The following CDH11 variants were observed in gnomAD, a reference collection of about 807,000 sequenced individuals.
The protein encoded by CDH11 is cadherin-11.
A neutral mutation model predicts 67.8 loss-of-function variants in CDH11; 11 were observed. That is an observed-to-expected ratio of 0.16 (90% CI 0.10 to 0.27). The LOEUF is 0.27. Among genes scored for constraint, CDH11 ranks in the 10% least tolerant of loss-of-function variants. The pLI is 1.00. For missense variants in CDH11, 847 were observed against 1,031.2 expected, an observed-to-expected ratio of 0.82 and a Z score of 2.45; for synonymous variants, 419 against 400.0, an observed-to-expected ratio of 1.05 and a Z score of -0.57.
chr16:65,108,898 G>A (rs945938694), intron 1 of CDH11, among the ~76,000 whole-genome samples: 1 of 152,250 alleles, frequency 6.6e-6, no homozygotes. Flanking sequence ...TATAATCCCA[G>A]CACTTTGGGA....
rs1017818697 is a variant in CDH11, at chr16:64,982,400, A to G, written c.1000-99T>C. On this transcript the variant is annotated intron_variant, in intron 7 of 12. Coordinates refer to ENST00000268603, the MANE Select transcript of CDH11 (RefSeq NM_001797.4). ...ATAGGGACGAGTGAATATTCCTCAA[A>G]GAGAGAAAATCAGAGTCTACTCAAT... 5 of 919,370 alleles carry G rather than the reference A, an allele frequency of 5.4e-6. No homozygotes were observed. In the Admixed American group the frequency reaches 7.3e-5, roughly 13 times the overall value. The allele number at this position is 919,370 out of a possible 1,614,324, so 57.0% of individuals were successfully genotyped here. A position where few individuals can be genotyped will look rare whatever the true frequency, so the allele number is the denominator to read the frequency against.
At chr16:65,008,456 C>A (rs1392052226) in intron 2 of CDH11, among the ~76,000 whole-genome samples, 1 of 152,158 alleles carries the variant, frequency 6.6e-6, no homozygotes, top group Non-Finnish European at 1.5e-5. Flanking sequence ...AAAAAAGATT[C>A]ACTTTCAGAA....
intron 2 of CDH11, among the ~76,000 whole-genome samples, chr16:65,009,315 C>T (rs1228404814): frequency 6.6e-6 from 1 of 152,126 alleles, no homozygotes; most frequent in East Asian, 1.9e-4. Flanking sequence ...GAGGTAATTA[C>T]ATCAGTCCAT....
chr16:64,956,366 T>A (rs2071511340), intron 11 of CDH11, among the ~76,000 whole-genome samples: 2 of 152,256 alleles, frequency 1.3e-5, no homozygotes, highest in Admixed American at 1.3e-4. Flanking sequence ...AGCAGTAGAC[T>A]AATGAGGAAG....
At chr16:64,976,568 T>C (rs890273005) in intron 8 of CDH11, among the ~76,000 whole-genome samples, 30 of 152,242 alleles carry the variant, frequency 2.0e-4, no homozygotes, top group South Asian at 8.3e-4. Flanking sequence ...GATAAAAAGT[T>C]TGGAGGCCTT....
chr16:64,958,674 A>G (rs888287879), intron 11 of CDH11, among the ~76,000 whole-genome samples: 2 of 152,200 alleles, frequency 1.3e-5, no homozygotes, highest in Non-Finnish European at 2.9e-5. Context: ...CTGACCCTGG[A>G]ACACTGACAT....
At chr16:65,108,230 G>A (rs1052336164) in intron 1 of CDH11, among the ~76,000 whole-genome samples, 2 of 152,154 alleles carry the variant, frequency 1.3e-5, no homozygotes, top group African/African-American at 4.8e-5. Context: ...TGACTTCTCA[G>A]GCTGCGTTAG....
intron 8 of CDH11, among the ~76,000 whole-genome samples, chr16:64,980,669 A>T (rs548063833): frequency 1.3e-5 from 2 of 152,316 alleles, no homozygotes; most frequent in Admixed American, 6.5e-5. Flanking sequence ...ATGAGGTTAG[A>T]TTATTTTGAA....
chr16:65,019,367 TGATA>T lies in CDH11; in HGVS notation c.-172-14330_-172-14327del, dbSNP rs1963846485. Among the ~76,000 whole-genome samples, 3 of 152,192 alleles carry T rather than the reference TGATA, an allele frequency of 2.0e-5. No homozygotes were observed. The South Asian group carries it at 6.2e-4, about 31-fold the overall frequency. The stretch of plus-strand genomic sequence containing the variant: ...TTCAAAAATGCAATAACTTATTCAT[TGATA>T]AAGTGGAGACTTAATTTTCCAAACA... On this transcript the variant is annotated intron_variant, in intron 2 of 12. Transcript: ENST00000268603.
rs544094469 is a variant in CDH11, at chr16:65,102,677, A to T, written c.-298+19203T>A. Among the ~76,000 whole-genome samples, 37 of 152,336 alleles carry T rather than the reference A, an allele frequency of 2.4e-4. No homozygotes were observed. The South Asian group carries it at 7.5e-3, about 31-fold the overall frequency. On this transcript the variant is annotated intron_variant, in intron 1 of 12. Coordinates refer to ENST00000268603, the MANE Select transcript of CDH11 (RefSeq NM_001797.4). ...ACCATGCTGTAAGTCAAGTAGCCCC[A>T]TGAAGGGGCCATGTGTTAGAGACAC...
intron 6 of CDH11, among the ~76,000 whole-genome samples, chr16:64,990,985 A>G (rs979359228): frequency 6.6e-6 from 1 of 152,180 alleles, no homozygotes; most frequent in African/African-American, 2.4e-5. Flanking sequence ...CATGACTTTG[A>G]CAGGTCTTCC....
chr16:65,000,264 G>T (rs1478683598), intron 3 of CDH11, among the ~76,000 whole-genome samples: 10 of 151,974 alleles, frequency 6.6e-5, no homozygotes, highest in Non-Finnish European at 1.5e-4. Flanking sequence ...AATCACATCT[G>T]GTTTTCCTGT....
At chr16:65,122,148 G>GGGGGGGGGGGGGGGGGC, upstream of CDH11, 1 of 323,844 alleles carries the variant, frequency 3.1e-6, no homozygotes. Context: ...GGGGGGGCGG[G>GGGGGGGGGGGGGGGGGC]AGGAGGGAGG....
intron 2 of CDH11, among the ~76,000 whole-genome samples, chr16:65,022,192 T>C (rs1286508796): frequency 1.3e-5 from 2 of 152,134 alleles, no homozygotes; most frequent in South Asian, 2.1e-4. Context: ...GGAAACATAT[T>C]TTAGAATTGA....
chr16:64,948,127 A>G, intron 12 of CDH11, 28 bp from the exon 13 acceptor site: 1 of 1,597,010 alleles, frequency 6.3e-7, no homozygotes, highest in Non-Finnish European at 8.5e-7. Context: ...GAAGGTAAGC[A>G]TTCGTTAAGT....
intron 7 of CDH11, 135 bp downstream of exon 7, chr16:64,988,022 C>T: frequency 3.1e-6 from 2 of 635,600 alleles, no homozygotes; most frequent in East Asian, 2.8e-5. Context: ...GAGCTCAGAG[C>T]TCAACTACAA....
intron 1 of CDH11, among the ~76,000 whole-genome samples, chr16:65,101,926 G>C (rs937087302): frequency 6.6e-6 from 1 of 152,092 alleles, no homozygotes; most frequent in Non-Finnish European, 1.5e-5. Flanking sequence ...TGGGTGGATG[G>C]GCAGATGACA....
chr16:64,998,543 C>T lies in CDH11; in HGVS notation c.523+19G>A, dbSNP rs200754621. 177 of 1,608,900 alleles carry T rather than the reference C, an allele frequency of 1.1e-4. No homozygotes were observed. The East Asian group carries it at 2.1e-3, about 20-fold the overall frequency. ...ACACCAGGCCTGGAAGCAGAGCAGG[C>T]CTCCCACACCGTACGCACCCACATT... On this transcript the variant is annotated intron_variant, in intron 4 of 12. Coordinates refer to ENST00000268603, the MANE Select transcript of CDH11 (RefSeq NM_001797.4).
intron 1 of CDH11, among the ~76,000 whole-genome samples, chr16:65,111,793 A>G: frequency 6.6e-6 from 1 of 151,970 alleles, no homozygotes; most frequent in East Asian, 1.9e-4. Flanking sequence ...TAATTGCAAC[A>G]GGGCGCGGTG....
Sources: allele counts gnomAD v4.1 joint callset (sites outside exome capture counted in the v4.1 genomes callset), GRCh38; gene constraint gnomAD v4.1.1; transcripts MANE v1.5; gene names NCBI Gene and HGNC (gene_info 2026-07-23, HGNC 2026-07-21).